The following PCDHGA3 variants were observed in gnomAD, a reference collection of about 807,000 sequenced individuals.
The protein encoded by PCDHGA3 is protocadherin gamma-A3.
In PCDHGA3, 40 loss-of-function variants were observed where a neutral mutation model predicts 58.5. The observed-to-expected ratio is 0.68, with a 90% confidence interval of 0.53 to 0.89. PCDHGA3 has a LOEUF of 0.89. PCDHGA3 is among the 40% of genes least tolerant of loss of function. The pLI is 0.00. For synonymous variants in PCDHGA3, 530 were observed against 525.7 expected, an observed-to-expected ratio of 1.01 and a Z score of -0.11; for missense variants, 1,223 against 1,195.9, an observed-to-expected ratio of 1.02 and a Z score of -0.33.
At chr5:141,384,638 G>C in intron 1 of PCDHGA3, 1 of 1,614,188 alleles carries the variant, frequency 6.2e-7, no homozygotes, top group Non-Finnish European at 8.5e-7. Context: ...CTGGCACCCC[G>C]CTCCGCAGAG....
At chr5:141,363,263 C>T (rs933065042) in intron 1 of PCDHGA3, among the ~76,000 whole-genome samples, 3 of 152,278 alleles carry the variant, frequency 2.0e-5, no homozygotes, top group South Asian at 2.1e-4. Context: ...TTACTTAAAA[C>T]TTTGCTTTTG....
chr5:141,505,405 C>T lies in PCDHGA3; in HGVS notation c.2496C>T (p.Gly832=), dbSNP rs745516568. 2.5e-6 allele frequency: 4 copies of T among 1,614,130 alleles called. No individual in the cohort carries two copies. The highest frequency in any genetic ancestry group is 3.3e-4 in the Middle Eastern group (2 of 6,062). ...QRPGTSGSQN[G]DDTGTWPNNQ... ...ACTCTCTCCCCAGCTCCCAAAATGG[C>T]GATGACACCGGCACCTGGCCCAACA... Residue 832 remains glycine (G), a synonymous_variant, in exon 3 of 4, where the codon GGC becomes GGT. Transcript: ENST00000253812.
chr5:141,366,025 C>T (rs1764265075), intron 1 of PCDHGA3: 1 of 1,614,128 alleles, frequency 6.2e-7, no homozygotes, highest in Non-Finnish European at 8.5e-7. Context: ...TCCTGTACCC[C>T]GCCCTCCCCA....
At chr5:141,360,632 C>T (rs1367186780) in intron 1 of PCDHGA3, 1 of 1,613,902 alleles carries the variant, frequency 6.2e-7, no homozygotes, top group Admixed American at 1.7e-5. Context: ...GGTCCTAACT[C>T]ACTACAAAGA....
At chr5:141,346,965 C>T (rs961083532) in intron 1 of PCDHGA3, among the ~76,000 whole-genome samples, 2 of 152,174 alleles carry the variant, frequency 1.3e-5, no homozygotes, top group East Asian at 1.9e-4. Context: ...ATGTTTGACT[C>T]CTTCCAAGAC....
intron 1 of PCDHGA3, chr5:141,352,148 G>T (rs777837262): frequency 5.0e-6 from 8 of 1,612,336 alleles, no homozygotes; most frequent in African/African-American, 1.3e-5. Context: ...TGCCTTGGGC[G>T]ACAGGGACGC....
intron 3 of PCDHGA3, 154 bp from the exon 4 acceptor site, chr5:141,510,793 G>A: frequency 1.1e-6 from 1 of 935,078 alleles, no homozygotes; most frequent in Non-Finnish European, 1.3e-6. Context: ...CTCTTGTGAA[G>A]AGAGACTACC....
chr5:141,503,547 C>T (rs545918096), intron 2 of PCDHGA3, among the ~76,000 whole-genome samples: 22 of 147,734 alleles, frequency 1.5e-4, no homozygotes, highest in African/African-American at 4.8e-4. Flanking sequence ...TGCAGTGAGC[C>T]GAGATCGCGC....
intron 1 of PCDHGA3, chr5:141,400,584 A>G (rs745551734): frequency 1.9e-6 from 3 of 1,609,038 alleles, no homozygotes; most frequent in Non-Finnish European, 8.5e-7. Flanking sequence ...TATTTACATG[A>G]AACTATCGTA....
chr5:141,385,200 C>G (rs776177043), intron 1 of PCDHGA3: 4 of 1,614,214 alleles, frequency 2.5e-6, no homozygotes, highest in Middle Eastern at 3.3e-4. Flanking sequence ...GGAAGAGTCA[C>G]CTGATCTTCC....
intron 1 of PCDHGA3, among the ~76,000 whole-genome samples, chr5:141,492,418 C>T (rs1428695013): frequency 2.0e-5 from 3 of 152,236 alleles, no homozygotes; most frequent in Admixed American, 1.3e-4. Flanking sequence ...CCGCTCCCTC[C>T]GCCGGGCTCA....
chr5:141,408,079 A>C (rs1176059527), intron 1 of PCDHGA3: 13 of 1,407,872 alleles, frequency 9.2e-6, no homozygotes, highest in Non-Finnish European at 1.1e-5. Context: ...CTTTCCCAGC[A>C]CAGCGGATTG....
intron 1 of PCDHGA3, chr5:141,384,422 A>C: frequency 6.2e-7 from 1 of 1,613,924 alleles, no homozygotes; most frequent in Non-Finnish European, 8.5e-7. Flanking sequence ...GTCTCCATAA[A>C]CTCTGACACT....
In PCDHGA3 at chr5:141,486,581, C is replaced by T; in HGVS notation, c.2425-8226C>T. 1 of 1,613,764 alleles carries T rather than the reference C, an allele frequency of 6.2e-7. No individual in the cohort carries two copies. The highest frequency in any genetic ancestry group is 1.1e-5 in the South Asian group (1 of 91,082). On this transcript the variant is annotated intron_variant, in intron 1 of 3. Coordinates refer to ENST00000253812, the MANE Select transcript of PCDHGA3 (RefSeq NM_018916.4). This position sits in a 1 kb window ranked among gnomAD's most constrained non-coding sequence, Gnocchi z 5.0. ...GGTGTTTGTTCCTGAGAACAATCGC[C>T]CAGGGGACCTGCTTTGCTCCCTTGC... is the stretch of plus-strand genomic sequence containing the variant.
chr5:141,375,510 C>T, intron 1 of PCDHGA3: 1 of 1,614,034 alleles, frequency 6.2e-7, no homozygotes, highest in Non-Finnish European at 8.5e-7. Context: ...TCTGTGAATG[C>T]ACTGGACCCT....
chr5:141,409,080 C>T (rs2095221617), intron 1 of PCDHGA3: 1 of 1,613,988 alleles, frequency 6.2e-7, no homozygotes, highest in Non-Finnish European at 8.5e-7. Context: ...CATATGTTCT[C>T]ATTGGATGAG....
Position 141,432,442 on chromosome 5 carries a change from G to A in PCDHGA3, c.2425-62365G>A. 1 of 1,614,228 alleles carries A rather than the reference G, an allele frequency of 6.2e-7. No individual in the cohort carries two copies. Among genetic ancestry groups the A allele is most frequent in the Non-Finnish European group, 8.5e-7 (1 of 1,180,042 alleles). On this transcript the variant is annotated intron_variant, in intron 1 of 3. Transcript: ENST00000253812. The surrounding 1 kb of genome is among the most constrained non-coding windows in gnomAD (Gnocchi z 6.0). ...TGGACCAGAACGACAATGCGCCCGA[G>A]ATCCTGTACCCCGCCCTCCCCACGG...
intron 1 of PCDHGA3, chr5:141,413,112 G>A (rs1589839162): frequency 6.7e-7 from 1 of 1,502,662 alleles, no homozygotes; most frequent in East Asian, 2.3e-5. Flanking sequence ...GAAAGACAAA[G>A]GAACCGGTTG....
intron 1 of PCDHGA3, chr5:141,404,037 A>T: frequency 6.2e-7 from 1 of 1,613,888 alleles, no homozygotes; most frequent in East Asian, 2.2e-5. Context: ...GACGCACCTC[A>T]GGGAACAGTA....
Sources: allele counts gnomAD v4.1 joint callset (sites outside exome capture counted in the v4.1 genomes callset), GRCh38; gene constraint gnomAD v4.1.1; non-coding constraint Gnocchi (gnomAD v3.1); transcripts MANE v1.5; gene names NCBI Gene and HGNC (gene_info 2026-07-23, HGNC 2026-07-21).